UQCR11: variants seen among roughly 807,000 people sequenced by gnomAD.
The protein encoded by UQCR11 is ubiquinol-cytochrome c reductase, complex III subunit XI, also known as cytochrome b-c1 complex subunit 10.
A neutral mutation model predicts 7.6 loss-of-function variants in UQCR11; 10 were observed. The observed-to-expected ratio is 1.31, with a 90% CI of 0.81 to 2.22. The LOEUF is 2.22. Ranked by LOEUF, UQCR11 falls within the 30% of genes most tolerant of loss-of-function variation. The probability of loss-of-function intolerance (pLI) is 0.00; values close to 1 mark genes in which losing one functional copy is unlikely to be tolerated. For synonymous variants in UQCR11, 34 were observed against 34.9 expected (o/e 0.97, Z 0.09); for missense variants, 86 against 75.1 (o/e 1.15, Z -0.54).
rs773119645 is a variant in UQCR11 at position 1,605,431 on chromosome 19, G to C, written c.-22C>G. ...CCATCGCGGCGGAGTCGCACCCTCA[G>C]GATGACCCTGTCCAGCTGACCCGGC... On this transcript the variant is annotated 5_prime_UTR_variant, in exon 1 of 3. Transcript: ENST00000591899. The C allele has an allele frequency of 1.1e-5, 17 of 1,487,806 alleles. No homozygotes were observed. Among genetic ancestry groups the C allele is most frequent in the Non-Finnish European group, 1.5e-5 (17 of 1,114,214 alleles). 92.2% of individuals were successfully genotyped at this position (1,487,806 alleles called of 1,614,324 possible).
intron 1 of UQCR11, among the ~76,000 whole-genome samples, chr19:1,604,728 C>T (rs1408347284): frequency 6.6e-6 from 1 of 151,488 alleles, no homozygotes; most frequent in Non-Finnish European, 1.5e-5. Flanking sequence ...CGGGTTTCAC[C>T]ACGTTGGCCA....
chr19:1,605,308 G>A (rs1025192607), intron 1 of UQCR11, 52 bp downstream of exon 1: 4 of 1,522,844 alleles, frequency 2.6e-6, no homozygotes, highest in African/African-American at 2.9e-5. Context: ...GCAGCGGCGC[G>A]GGGCTGGGCC....
rs1568281771 is a variant in UQCR11, at chr19:1,598,107, C to T, written c.*137G>A. 1 of 152,274 alleles carries T rather than the reference C, an allele frequency of 6.6e-6. No individual in the cohort carries two copies. Among genetic ancestry groups the T allele is most frequent in the African/African-American group, 2.4e-5 (1 of 41,460 alleles). The allele number at this position is 152,274 out of a possible 1,614,324, so 9.4% of individuals were successfully genotyped here. ...AAAATATCCAAGCTGTTTTCAGAAACATAAGAAGCCTGAAGCTGAGCTGTG... is the reference window on the plus strand; with the variant it reads ...AAAATATCCAAGCTGTTTTCAGAAATATAAGAAGCCTGAAGCTGAGCTGTG... On this transcript the variant is annotated 3_prime_UTR_variant, in exon 3 of 3. Transcript: ENST00000591899.
At chr19:1,604,120 T>C (rs2060754982) in intron 1 of UQCR11, among the ~76,000 whole-genome samples, 1 of 152,032 alleles carries the variant, frequency 6.6e-6, no homozygotes, top group Admixed American at 6.6e-5. Flanking sequence ...TAATTTTGTA[T>C]TTTCAGTAGA....
intron 1 of UQCR11, 50 bp downstream of exon 1, chr19:1,605,310 G>T (rs1175270016): frequency 3.3e-6 from 5 of 1,535,072 alleles, no homozygotes; most frequent in Non-Finnish European, 4.4e-6. Context: ...AGCGGCGCGG[G>T]GCTGGGCCGA....
chr19:1,598,516 C>G (rs1234558907), intron 2 of UQCR11, among the ~76,000 whole-genome samples: 1 of 151,416 alleles, frequency 6.6e-6, no homozygotes, highest in Non-Finnish European at 1.5e-5. Flanking sequence ...TGCGCTCCAG[C>G]CTGGGCAACA....
intron 2 of UQCR11, among the ~76,000 whole-genome samples, chr19:1,598,544 C>CAA (rs869275138): frequency 4.2e-5 from 5 of 118,928 alleles, no homozygotes; most frequent in African/African-American, 1.2e-4. Context: ...AACTCTGTCT[C>CAA]AAAAAAAAAA....
At chr19:1,604,832 C>T (rs2145623103) in intron 1 of UQCR11, among the ~76,000 whole-genome samples, 1 of 152,356 alleles carries the variant, frequency 6.6e-6, no homozygotes, top group East Asian at 1.9e-4. Flanking sequence ...CCCAGCCAGG[C>T]CTTGCTTCTT....
At chr19:1,604,205 A>C (rs536017469) in intron 1 of UQCR11, among the ~76,000 whole-genome samples, 1 of 152,184 alleles carries the variant, frequency 6.6e-6, no homozygotes, top group Non-Finnish European at 1.5e-5. Context: ...TTGGCCTCCC[A>C]AAGTGTTGGG....
At position 1,605,446 on chromosome 19, in the gene UQCR11, G is replaced by A; in HGVS notation, c.-37C>T. 1.5e-6 allele frequency: 2 copies of A among 1,329,870 alleles called. No homozygotes were observed. Among genetic ancestry groups the A allele is most frequent in the East Asian group, 5.2e-5 (1 of 19,064 alleles). The allele number at this position is 1,329,870 out of a possible 1,614,324, so 82.4% of individuals were successfully genotyped here. ...CGCACCCTCAGGATGACCCTGTCCA[G>A]CTGACCCGGCTACACTGCGCAGGCG... On this transcript the variant is annotated 5_prime_UTR_variant, in exon 1 of 3. Transcript: ENST00000591899.
chr19:1,600,237 C>T (rs1235878923), intron 1 of UQCR11, among the ~76,000 whole-genome samples: 1 of 125,048 alleles, frequency 8.0e-6, no homozygotes, highest in Non-Finnish European at 1.6e-5. Flanking sequence ...TTTTTTGAGA[C>T]GGAGTCTTGC....
Position 1,599,594 on chromosome 19 carries a change from T to C in UQCR11, c.51-34A>G, listed in dbSNP as rs1483199860. On this transcript the variant is annotated intron_variant, in intron 1 of 2. Transcript: ENST00000591899. ...GGAGAGGGGATGGTCAGGCCTGCTC[T>C]GGACCCTTTCTCCAAGACCCTCTCC... 3.7e-6 allele frequency: 6 copies of C among 1,601,266 alleles called. No individual in the cohort carries two copies. The East Asian group carries it at 1.3e-4, about 36-fold the overall frequency.
chr19:1,597,596 G>A lies in UQCR11; in HGVS notation c.*648C>T, dbSNP rs1239347263. On this transcript the variant is annotated 3_prime_UTR_variant, in exon 3 of 3. Coordinates refer to ENST00000591899, the MANE Select transcript of UQCR11 (RefSeq NM_006830.4). Reference sequence around the variant, plus strand: ...GAGGCCATGCCGTGAGGATGCTCAAGCAGCTTCGTGTAGGGGCCCCCATGG... The same window carrying A: ...GAGGCCATGCCGTGAGGATGCTCAAACAGCTTCGTGTAGGGGCCCCCATGG... The A allele has an allele frequency of 1.3e-5, 2 of 152,244 alleles. No individual in the cohort carries two copies. The highest frequency in any genetic ancestry group is 2.4e-5 in the African/African-American group (1 of 41,450). 9.4% of individuals were successfully genotyped at this position (152,244 alleles called of 1,614,324 possible). A position where few individuals can be genotyped will look rare whatever the true frequency, so the allele number is the denominator to read the frequency against.
At chr19:1,603,289 C>T (rs1395886471) in intron 1 of UQCR11, among the ~76,000 whole-genome samples, 1 of 152,186 alleles carries the variant, frequency 6.6e-6, no homozygotes, top group African/African-American at 2.4e-5. Flanking sequence ...TTGGCGCGTC[C>T]CTAACACATA....
rs2060741296 is a variant in UQCR11 at position 1,599,572 on chromosome 19, GA to G, written c.51-13del. 6.2e-7 allele frequency: 1 copy of G among 1,606,404 alleles called. No homozygotes were observed. The highest frequency in any genetic ancestry group is 1.7e-5 in the Admixed American group (1 of 59,998). ...AGGCCGTCGGGACCCTGCGAGAGGA[GA>G]GGGGATGGTCAGGCCTGCTCTGGAC... On this transcript the variant is annotated splice_polypyrimidine_tract_variant and intron_variant, in intron 1 of 2. Transcript: ENST00000591899.
At chr19:1,602,528 G>A (rs1163822813) in intron 1 of UQCR11, 1 of 151,918 alleles carries the variant, frequency 6.6e-6, no homozygotes, top group African/African-American at 2.4e-5. Context: ...CTCAGCTCAC[G>A]GCAACCCCCG....
At chr19:1,600,620 C>G (rs905752941) in intron 1 of UQCR11, among the ~76,000 whole-genome samples, 2 of 152,132 alleles carry the variant, frequency 1.3e-5, no homozygotes, top group Admixed American at 6.6e-5. Context: ...AAGGGGAATC[C>G]CAGCACTTTG....
rs558998844 is a variant in UQCR11, at chr19:1,601,488, C to T, written c.51-1928G>A. On this transcript the variant is annotated intron_variant, in intron 1 of 2. Coordinates refer to ENST00000591899, the MANE Select transcript of UQCR11 (RefSeq NM_006830.4). Reference sequence around the variant, plus strand: ...AGGTGGCGGGCGCCTGTAGTCCCAGCTACTTGGGAGGCTGAGGCAGGAGAA... The same window carrying T: ...AGGTGGCGGGCGCCTGTAGTCCCAGTTACTTGGGAGGCTGAGGCAGGAGAA... Among the ~76,000 whole-genome samples the T allele has an allele frequency of 4.0e-5, 6 of 150,402 alleles. No individual in the cohort carries two copies. The East Asian group carries it at 1.2e-3, about 30-fold the overall frequency.
chr19:1,602,589 T>G (rs1442770086), intron 1 of UQCR11, among the ~76,000 whole-genome samples: 3 of 152,034 alleles, frequency 2.0e-5, no homozygotes, highest in Non-Finnish European at 4.4e-5. Flanking sequence ...GAAGCTGGGA[T>G]TACAGGTGTC....
Sources: gnomAD v4.1 joint callset for allele counts (sites outside exome capture counted in the v4.1 genomes callset) on GRCh38, gnomAD v4.1.1 for gene constraint, MANE v1.5 for transcripts, NCBI Gene and HGNC (gene_info 2026-07-23, HGNC 2026-07-21) for gene names.